AP4M1: variants seen among roughly 807,000 people sequenced by gnomAD.
The protein encoded by AP4M1 is adaptor related protein complex 4 subunit mu 1, also known as AP-4 complex subunit mu-1.
AP4M1 carries 58 observed loss-of-function variants against 62.4 expected under a neutral mutation model. That is an observed-to-expected ratio of 0.93 (90% CI 0.75 to 1.16). AP4M1 has a LOEUF of 1.16. Among genes scored for constraint, AP4M1 ranks in the 50% most tolerant of loss-of-function variants. AP4M1 has a pLI of 0.00. For missense variants in AP4M1, 626 were observed against 585.4 expected (o/e 1.07, Z -0.72); for synonymous variants, 290 against 239.7 (o/e 1.21, Z -1.94).
chr7:100,107,606 G>C lies in AP4M1; in HGVS notation c.*724G>C. The C allele has an allele frequency of 1.2e-6, 2 of 1,613,178 alleles. No homozygotes were observed. The highest frequency in any genetic ancestry group is 2.2e-5 in the South Asian group (2 of 91,052). On this transcript the variant is annotated 3_prime_UTR_variant, in exon 15 of 15. Transcript: ENST00000359593. Reference sequence around the variant, plus strand: ...TGGTGGAACCTGAGCCGGGGGCCGAGGTGCTGAGGGACAGGACCTGGATAG... The same window carrying C: ...TGGTGGAACCTGAGCCGGGGGCCGACGTGCTGAGGGACAGGACCTGGATAG...
chr7:100,108,002 G>A lies in AP4M1; in HGVS notation c.*1120G>A. On this transcript the variant is annotated 3_prime_UTR_variant, in exon 15 of 15. Transcript: ENST00000359593. Reference sequence around the variant, plus strand: ...TGGAGGAGGGGAAGGCTGTGGTGGGGCAGCCGCTCGTGCAGACACCAGTGT... The same window carrying A: ...TGGAGGAGGGGAAGGCTGTGGTGGGACAGCCGCTCGTGCAGACACCAGTGT... The A allele has an allele frequency of 6.2e-7, 1 of 1,613,276 alleles. No homozygotes were observed. The highest frequency in any genetic ancestry group is 1.1e-5 in the South Asian group (1 of 91,064).
intron 7 of AP4M1, 144 bp from the exon 8 acceptor site, chr7:100,104,730 C>T: frequency 6.8e-6 from 6 of 877,790 alleles, no homozygotes; most frequent in Non-Finnish European, 1.1e-5. Flanking sequence ...ACTTGTGAGG[C>T]TGAGGCAGGA....
Position 100,105,293 on chromosome 7 carries a change from CT to C in AP4M1, c.782del (p.Leu261ArgfsTer19). 1 of 1,614,140 alleles carries C rather than the reference CT, an allele frequency of 6.2e-7. No homozygotes were observed. On this transcript the variant is annotated frameshift_variant, in exon 10 of 15. Transcript: ENST00000359593. LOFTEE classifies it high-confidence loss of function. ...AGTCTCGTTTCACAGCTCTGTGAAT[CT>C]GGACGAATTTGAGTCTCATCGAATC... ...DEVSFHSSVNLDEFESHRILR... is the reference protein window; with the variant it reads ...DEVSFHSSVNXDEFESHRILR...
Position 100,105,954 on chromosome 7 carries a change from T to A in AP4M1, c.930-5T>A. Reference sequence around the variant, plus strand: ...TGAGTCGTGGTGTTTTACCCTCTCATCCAGGCTCCAGGTTTATCTAAAGTT... The same window carrying A: ...TGAGTCGTGGTGTTTTACCCTCTCAACCAGGCTCCAGGTTTATCTAAAGTT... On this transcript the variant is annotated splice_polypyrimidine_tract_variant and splice_region_variant and intron_variant, in intron 11 of 14. Transcript: ENST00000359593. 1.2e-6 allele frequency: 2 copies of A among 1,614,132 alleles called. No homozygotes were observed. Among genetic ancestry groups the A allele is most frequent in the Non-Finnish European group, 1.7e-6 (2 of 1,179,994 alleles).
intron 12 of AP4M1, 78 bp from the exon 13 acceptor site, chr7:100,106,163 C>T (rs1796456670): frequency 1.3e-6 from 2 of 1,580,288 alleles, no homozygotes; most frequent in East Asian, 4.5e-5. Context: ...GTGCTGAAAT[C>T]CTGTTATGAC....
chr7:100,104,086 T>C lies in AP4M1; in HGVS notation c.544-6T>C. 3 of 1,613,816 alleles carry C rather than the reference T, an allele frequency of 1.9e-6. No individual in the cohort carries two copies. The highest frequency in any genetic ancestry group is 2.5e-6 in the Non-Finnish European group (3 of 1,179,822). On this transcript the variant is annotated splice_polypyrimidine_tract_variant and splice_region_variant and intron_variant, in intron 6 of 14. Coordinates refer to ENST00000359593, the MANE Select transcript of AP4M1 (RefSeq NM_004722.4). ...TCCAACCACCCAAATTCTCTCTCTT[T>C]CTCAGAGCCAAAAGAATGAAGTTTT...
In AP4M1 at chr7:100,101,884, C is replaced by A; in HGVS notation, c.63C>A (p.Arg21=). 1 of 1,613,390 alleles carries A rather than the reference C, an allele frequency of 6.2e-7. No homozygotes were observed. The highest frequency in any genetic ancestry group is 1.1e-5 in the South Asian group (1 of 91,092). Reference sequence around the variant, plus strand: ...CTGAGTCCTTCCACCCGCCAGTCCGCGGGGACAGTGGCGGCCGGGATGTGG... The same window carrying A: ...CTGAGTCCTTCCACCCGCCAGTCCGAGGGGACAGTGGCGGCCGGGATGTGG... ...KGDPLIYKDF[R]GDSGGRDVAE... is the part of the protein sequence containing the mutation. The change falls in exon 2 of 15, where the codon CGC becomes CGA. Residue 21 remains arginine, a synonymous_variant. Transcript: ENST00000359593.
In AP4M1 at chr7:100,106,382, C is replaced by T. The variant is rs1796485215; in HGVS notation, c.1026-21C>T. ...CCTCAAGAAGGTGCCAAGCCCAGCA[C>T]CTTCCCTTTCCAAACTCCAGCCTGT... On this transcript the variant is annotated intron_variant, in intron 13 of 14. Transcript: ENST00000359593. 10 of 1,613,304 alleles carry T rather than the reference C, an allele frequency of 6.2e-6. No individual in the cohort carries two copies. The East Asian group carries it at 2.2e-4, about 36-fold the overall frequency.
chr7:100,107,920 G>A lies in AP4M1; in HGVS notation c.*1038G>A. 6.2e-7 allele frequency: 1 copy of A among 1,602,858 alleles called. No homozygotes were observed. The highest frequency in any genetic ancestry group is 2.2e-5 in the East Asian group (1 of 44,796). On this transcript the variant is annotated 3_prime_UTR_variant, in exon 15 of 15. Coordinates refer to ENST00000359593, the MANE Select transcript of AP4M1 (RefSeq NM_004722.4). The stretch of plus-strand genomic sequence containing the variant: ...CAGATGCTCCCTGTCCCACAGCTCT[G>A]CATACCTGCTGGGTGGATGGGGCGC...
Position 100,103,466 on chromosome 7 carries a change from GA to G in AP4M1, c.411del (p.Ala138LeufsTer61). 1 of 1,614,152 alleles carries G rather than the reference GA, an allele frequency of 6.2e-7. No individual in the cohort carries two copies. The highest frequency in any genetic ancestry group is 1.1e-5 in the South Asian group (1 of 91,082). On this transcript the variant is annotated frameshift_variant, in exon 5 of 15. Transcript: ENST00000359593. LOFTEE classifies it high-confidence loss of function. ...TEMLRNFIQT[E>X]AVVSKPFSLF... is the part of the protein sequence containing the mutation. ...GATGCTGAGGAATTTCATCCAGACG[GA>G]AGCTGTGGTCAGCAAGCCCTTCAGC...
intron 2 of AP4M1, 122 bp from the exon 3 acceptor site, chr7:100,102,553 C>T: frequency 3.7e-6 from 3 of 815,060 alleles, no homozygotes; most frequent in Admixed American, 4.0e-5. Flanking sequence ...TGTCATGTAT[C>T]TCCCAAAGGC....
upstream of AP4M1, chr7:100,101,532 G>A (rs1039549819): frequency 1.8e-4 from 139 of 792,396 alleles, no homozygotes; most frequent in Non-Finnish European, 2.6e-4. Flanking sequence ...GAGGCGGTGC[G>A]GGCGTCGGAA....
Position 100,103,524 on chromosome 7 carries a change from G to A in AP4M1, c.462+5G>A, listed in dbSNP as rs1357236939. On this transcript the variant is annotated splice_donor_5th_base_variant and intron_variant, in intron 5 of 14. Transcript: ENST00000359593. ...GACCTCAGCAGCGTTGGCTTGGTCA[G>A]TAGAGGGAAAGAGGAGGGTGAGGAA... 1 of 1,614,100 alleles carries A rather than the reference G, an allele frequency of 6.2e-7. No individual in the cohort carries two copies. Among genetic ancestry groups the A allele is most frequent in the Non-Finnish European group, 8.5e-7 (1 of 1,179,928 alleles).
chr7:100,104,215 G>A (rs1168257747), intron 7 of AP4M1, 61 bp downstream of exon 7: 1 of 1,484,506 alleles, frequency 6.7e-7, no homozygotes, highest in African/African-American at 1.4e-5. Flanking sequence ...ACATGGTGGG[G>A]TGGCTAAGAC....
In AP4M1 at chr7:100,108,956, G is replaced by C. The variant is rs553969369; in HGVS notation, c.*2074G>C. The C allele has an allele frequency of 0.031, 4,905 of 157,276 alleles. 282 individuals carry two copies. Among genetic ancestry groups the C allele is most frequent in the African/African-American group, 0.11 (4,639 of 41,258 alleles). 9.7% of individuals were successfully genotyped at this position (157,276 alleles called of 1,614,324 possible). ...CTAGAATGCTTGAACCCAGGTGGTG[G>C]AGGCTGCAGTGAGCAGAGGTTGCAT... On this transcript the variant is annotated 3_prime_UTR_variant, in exon 15 of 15. Coordinates refer to ENST00000359593, the MANE Select transcript of AP4M1 (RefSeq NM_004722.4).
chr7:100,100,915 C>A (rs1795978106), upstream of AP4M1: 4 of 1,054,842 alleles, frequency 3.8e-6, no homozygotes, highest in South Asian at 3.6e-5. Flanking sequence ...CCCAAAAGCG[C>A]GAAGGAAAGC....
chr7:100,105,291 A>C lies in AP4M1; in HGVS notation c.779A>C (p.Asn260Thr), dbSNP rs1323538031. The stretch of plus-strand genomic sequence containing the variant: ...GAAGTCTCGTTTCACAGCTCTGTGA[A>C]TCTGGACGAATTTGAGTCTCATCGA... ...VDEVSFHSSV[N>T]LDEFESHRIL... The change falls in exon 10 of 15, where the codon AAT becomes ACT. Residue 260 changes from asparagine to threonine, a missense_variant. Transcript: ENST00000359593. 1.2e-6 allele frequency: 2 copies of C among 1,614,096 alleles called. No individual in the cohort carries two copies. Among genetic ancestry groups the C allele is most frequent in the East Asian group, 2.2e-5 (1 of 44,862 alleles).
At position 100,108,385 on chromosome 7, in the gene AP4M1, G is replaced by C. The variant is rs1460045772; in HGVS notation, c.*1503G>C. On this transcript the variant is annotated 3_prime_UTR_variant, in exon 15 of 15. Transcript: ENST00000359593. ...CACGGACCTGCGTGATGGTCAGAGT[G>C]GTCCTGTTGACCTGCTGAGCCTGCA... 3 of 1,610,334 alleles carry C rather than the reference G, an allele frequency of 1.9e-6. No homozygotes were observed. The African/African-American group carries it at 4.0e-5, about 22-fold the overall frequency.
intron 2 of AP4M1, chr7:100,102,411 A>G (rs1478138212): frequency 3.6e-5 from 11 of 305,128 alleles, no homozygotes; most frequent in Non-Finnish European, 5.1e-5. Context: ...GGGGTGGGGA[A>G]AAAAAAAAAA....
Sources: allele counts gnomAD v4.1 joint callset, GRCh38; gene constraint gnomAD v4.1.1; transcripts MANE v1.5; gene names NCBI Gene and HGNC (gene_info 2026-07-23, HGNC 2026-07-21).